SPOCK3: variants seen among roughly 807,000 people sequenced by gnomAD.
The protein encoded by SPOCK3 is SPARC (osteonectin), cwcv and kazal like domains proteoglycan 3.
In SPOCK3, 30 loss-of-function variants were observed where a neutral mutation model predicts 56.6. The ratio of observed to expected loss-of-function variants is 0.53; its 90% CI spans 0.40 to 0.72. The LOEUF (loss-of-function observed/expected upper bound fraction) is 0.72, where lower values mean the gene tolerates loss of function less well. SPOCK3 is among the 30% of genes least tolerant of loss of function. The pLI is 0.00. For synonymous variants in SPOCK3, 196 were observed against 183.3 expected (o/e 1.07, Z -0.56); for missense variants, 527 against 530.0 (o/e 0.99, Z 0.06).
intron 5 of SPOCK3, among the ~76,000 whole-genome samples, chr4:166,909,675 G>A (rs1737044511): frequency 6.6e-6 from 1 of 152,030 alleles, no homozygotes; most frequent in Admixed American, 6.6e-5. Context: ...TAACATATCA[G>A]GACTACTCAG....
intron 5 of SPOCK3, among the ~76,000 whole-genome samples, chr4:166,896,349 G>C (rs1003802723): frequency 2.0e-5 from 3 of 152,126 alleles, no homozygotes; most frequent in African/African-American, 7.2e-5. Context: ...GGACCCTCCA[G>C]CAGCTGACAC....
chr4:167,107,008 AAT>A (rs1427819875), intron 2 of SPOCK3, among the ~76,000 whole-genome samples: 1 of 151,966 alleles, frequency 6.6e-6, no homozygotes, highest in African/African-American at 2.4e-5. Flanking sequence ...TCAAAGTCAT[AAT>A]AAAAAGTCCT....
chr4:166,905,006 A>G lies in SPOCK3; in HGVS notation c.474+7614T>C, dbSNP rs1180807828. 2.0e-5 allele frequency among the ~76,000 whole-genome samples: 3 copies of G among 152,058 alleles called. No homozygotes were observed. In the East Asian group the frequency reaches 5.8e-4, roughly 29 times the overall value. On this transcript the variant is annotated intron_variant, in intron 5 of 10. Coordinates refer to ENST00000357545, the MANE Select transcript of SPOCK3 (RefSeq NM_001040159.2). ...GTGCGCTTAACTGGGCTCTGATTCC[A>G]GCATTGTAATTCACCAGCTTTATGG...
chr4:167,153,331 G>A (rs1054730513), intron 2 of SPOCK3, among the ~76,000 whole-genome samples: 4 of 152,098 alleles, frequency 2.6e-5, no homozygotes, highest in Non-Finnish European at 4.4e-5. Flanking sequence ...GGTGCCCATG[G>A]GACAGTAAAG....
At chr4:167,100,744 G>C (rs1247252113) in intron 2 of SPOCK3, among the ~76,000 whole-genome samples, 1 of 152,044 alleles carries the variant, frequency 6.6e-6, no homozygotes, top group African/African-American at 2.4e-5. Flanking sequence ...TTTATAAGTA[G>C]ATAATCTCAG....
chr4:167,066,651 A>G (rs1365972244), intron 2 of SPOCK3, among the ~76,000 whole-genome samples: 1 of 151,686 alleles, frequency 6.6e-6, no homozygotes, highest in African/African-American at 2.4e-5. Context: ...GCTATATAAT[A>G]CTCTTTGGTA....
chr4:166,871,226 T>C (rs941757228), intron 6 of SPOCK3, among the ~76,000 whole-genome samples: 1 of 151,960 alleles, frequency 6.6e-6, no homozygotes, highest in Non-Finnish European at 1.5e-5. Flanking sequence ...GAAGTCAATG[T>C]AACTAAAACA....
chr4:167,047,037 T>G (rs1023945390), intron 3 of SPOCK3, among the ~76,000 whole-genome samples: 1 of 152,186 alleles, frequency 6.6e-6, no homozygotes, highest in Non-Finnish European at 1.5e-5. Context: ...ATGCTAGGAC[T>G]TTGACGAGCT....
At chr4:166,827,240 C>T (rs2126782177) in intron 6 of SPOCK3, among the ~76,000 whole-genome samples, 1 of 152,144 alleles carries the variant, frequency 6.6e-6, no homozygotes, top group East Asian at 1.9e-4. Flanking sequence ...GTGAAGTTTT[C>T]CTTGAATACT....
At chr4:166,780,201 C>T (rs945585897) in intron 7 of SPOCK3, among the ~76,000 whole-genome samples, 1 of 151,992 alleles carries the variant, frequency 6.6e-6, no homozygotes, top group Non-Finnish European at 1.5e-5. Flanking sequence ...CATGTGCCTC[C>T]AAGAAAGGAT....
At chr4:166,863,472 A>G (rs1237629390) in intron 6 of SPOCK3, among the ~76,000 whole-genome samples, 2 of 152,178 alleles carry the variant, frequency 1.3e-5, no homozygotes, top group African/African-American at 2.4e-5. Flanking sequence ...AAATGCCCCA[A>G]TTAAAAGATA....
chr4:167,224,341 T>C (rs1458039217), intron 2 of SPOCK3, among the ~76,000 whole-genome samples: 1 of 151,964 alleles, frequency 6.6e-6, no homozygotes, highest in East Asian at 1.9e-4. Flanking sequence ...TAAAATAGAG[T>C]TTATTTGTCC....
At chr4:166,739,428 A>G (rs1462341048) in intron 9 of SPOCK3, among the ~76,000 whole-genome samples, 1 of 152,014 alleles carries the variant, frequency 6.6e-6, no homozygotes, top group Non-Finnish European at 1.5e-5. Flanking sequence ...TTTAGTACAG[A>G]TGGGGTTTCA....
chr4:167,109,223 A>T (rs1300023711), intron 2 of SPOCK3, among the ~76,000 whole-genome samples: 3 of 87,926 alleles, frequency 3.4e-5, no homozygotes, highest in African/African-American at 1.4e-4. Flanking sequence ...TATATATAGT[A>T]TATAATATAT....
intron 6 of SPOCK3, among the ~76,000 whole-genome samples, chr4:166,860,802 C>CATATATATATATATACATATATATAT: frequency 9.8e-6 from 1 of 101,938 alleles, no homozygotes; most frequent in Non-Finnish European, 2.0e-5. Flanking sequence ...CACACAAATT[C>CATATATATATATATACATATATATAT]ATATATATAT....
intron 4 of SPOCK3, among the ~76,000 whole-genome samples, chr4:166,959,383 G>A (rs1445909991): frequency 5.9e-5 from 9 of 152,080 alleles, no homozygotes; most frequent in Admixed American, 5.9e-4. Flanking sequence ...GGGAGGCCGA[G>A]GTAGGTGGAT....
intron 2 of SPOCK3, among the ~76,000 whole-genome samples, chr4:167,145,140 T>A (rs2150405793): frequency 6.6e-6 from 1 of 152,118 alleles, no homozygotes; most frequent in African/African-American, 2.4e-5. Flanking sequence ...TCAACATGAT[T>A]TACTGATAGA....
chr4:166,746,245 C>T (rs1435007119), intron 8 of SPOCK3, among the ~76,000 whole-genome samples: 1 of 152,196 alleles, frequency 6.6e-6, no homozygotes, highest in African/African-American at 2.4e-5. Context: ...AAGTAAAGCA[C>T]TCCTCAGCCA....
chr4:166,928,652 A>T (rs1739385218), intron 4 of SPOCK3, among the ~76,000 whole-genome samples: 1 of 152,186 alleles, frequency 6.6e-6, no homozygotes, highest in African/African-American at 2.4e-5. Flanking sequence ...AATGTACAAC[A>T]CCAAGAGTCA....
Sources: gnomAD v4.1 joint callset for allele counts (sites outside exome capture counted in the v4.1 genomes callset) on GRCh38, gnomAD v4.1.1 for gene constraint, MANE v1.5 for transcripts, NCBI Gene and HGNC (gene_info 2026-07-23, HGNC 2026-07-21) for gene names.